The following TUBA1C variants were observed in gnomAD, a reference collection of about 807,000 sequenced individuals.
TUBA1C encodes tubulin alpha 1c.
In TUBA1C, 16 loss-of-function variants were observed where a neutral mutation model predicts 34.9. That is an observed-to-expected ratio of 0.46 (90% CI 0.31 to 0.70). The LOEUF is 0.70. Ranked by LOEUF, TUBA1C falls within the 30% of genes least tolerant of loss-of-function variation. TUBA1C has a pLI of 0.05. For missense variants in TUBA1C, 329 were observed against 587.3 expected, an observed-to-expected ratio of 0.56 and a Z score of 4.55; for synonymous variants, 177 against 215.9, an observed-to-expected ratio of 0.82 and a Z score of 1.58.
At chr12:49,254,311 C>G (rs1942760774) in intron 1 of TUBA1C, among the ~76,000 whole-genome samples, 1 of 150,294 alleles carries the variant, frequency 6.7e-6, no homozygotes, top group Non-Finnish European at 1.5e-5. Context: ...AACTCCATCT[C>G]AAGAAGAGAA....
In TUBA1C at chr12:49,269,613, CCTT is replaced by C. The variant is rs1349826116; in HGVS notation, c.157_159del (p.Phe53del). The C allele has an allele frequency of 8.1e-6, 13 of 1,614,096 alleles. No individual in the cohort carries two copies. The highest frequency in any genetic ancestry group is 5.3e-5 in the African/African-American group (4 of 74,926). On this transcript the variant is annotated inframe_deletion, in exon 2 of 4. Transcript: ENST00000301072. ...GGGGGAGGAGATGATTCCTTCAACA[CCTT>C]CTTCAGTGAAACGGGTGCTGGCAAG...
At chr12:49,249,143 G>A (rs1339933054) in intron 1 of TUBA1C, among the ~76,000 whole-genome samples, 4 of 151,142 alleles carry the variant, frequency 2.6e-5, no homozygotes, top group African/African-American at 9.7e-5. Flanking sequence ...AAAATAAAAA[G>A]AAGGCCGGGC....
chr12:49,241,153 C>A (rs1160053022), intron 1 of TUBA1C, among the ~76,000 whole-genome samples: 3 of 152,132 alleles, frequency 2.0e-5, no homozygotes. Flanking sequence ...CCGCCCGCCT[C>A]GGCCTCCCAA....
intron 1 of TUBA1C, among the ~76,000 whole-genome samples, chr12:49,256,717 G>A (rs1942787803): frequency 6.6e-6 from 1 of 152,166 alleles, no homozygotes; most frequent in South Asian, 2.1e-4. Context: ...AAAAACAGAG[G>A]CCTGCAAGTG....
chr12:49,228,209 C>T, intron 1 of TUBA1C: 1 of 1,519,856 alleles, frequency 6.6e-7, no homozygotes, highest in South Asian at 1.2e-5. Flanking sequence ...CTTCATCATG[C>T]ACGGCTTGGA....
chr12:49,254,045 C>T (rs898609220), intron 1 of TUBA1C, among the ~76,000 whole-genome samples: 5 of 152,162 alleles, frequency 3.3e-5, no homozygotes, highest in South Asian at 2.1e-4. Context: ...GGTGCGGTGA[C>T]TTACGCCTGT....
chr12:49,246,942 C>T (rs984670356), intron 1 of TUBA1C, among the ~76,000 whole-genome samples: 6 of 151,610 alleles, frequency 4.0e-5, no homozygotes, highest in Admixed American at 3.3e-4. Flanking sequence ...GAGCTCGAGA[C>T]CAGCCTGACC....
At chr12:49,228,686 T>C (rs190787697) in intron 1 of TUBA1C, among the ~76,000 whole-genome samples, 1 of 152,322 alleles carries the variant, frequency 6.6e-6, no homozygotes, top group Admixed American at 6.5e-5. Flanking sequence ...TACTCTACTT[T>C]AGTGTGGGAT....
chr12:49,256,809 TG>T (rs1278865846), intron 1 of TUBA1C, among the ~76,000 whole-genome samples: 1 of 151,944 alleles, frequency 6.6e-6, no homozygotes, highest in Non-Finnish European at 1.5e-5. Context: ...TTGCAGATTT[TG>T]ATGATTTGGG....
intron 1 of TUBA1C, among the ~76,000 whole-genome samples, chr12:49,231,172 G>A (rs1159137758): frequency 6.6e-6 from 1 of 152,054 alleles, no homozygotes; most frequent in East Asian, 1.9e-4. Context: ...TTTTTTAATT[G>A]TTGTTTTTTA....
At chr12:49,245,184 C>T (rs1031899063) in intron 1 of TUBA1C, among the ~76,000 whole-genome samples, 1 of 152,074 alleles carries the variant, frequency 6.6e-6, no homozygotes, top group Non-Finnish European at 1.5e-5. Flanking sequence ...GAGGGTGAAA[C>T]GTCCAGCTAT....
chr12:49,265,124 A>ATCC lies in TUBA1C; in HGVS notation c.-56_-54dup. ...CTCCTTGGTAGTCTGTTAGTGGGAG[A>ATCC]TCCTTGTTGCCGTCCCTTCGCCTCC... On this transcript the variant is annotated 5_prime_UTR_variant, in exon 1 of 4. Coordinates refer to ENST00000301072, the MANE Select transcript of TUBA1C (RefSeq NM_032704.5). The ATCC allele has an allele frequency of 6.3e-7, 1 of 1,581,964 alleles. No individual in the cohort carries two copies. The highest frequency in any genetic ancestry group is 8.6e-7 in the Non-Finnish European group (1 of 1,159,560).
intron 1 of TUBA1C, among the ~76,000 whole-genome samples, chr12:49,247,721 G>A (rs1047140046): frequency 1.3e-5 from 2 of 152,132 alleles, no homozygotes; most frequent in African/African-American, 2.4e-5. Flanking sequence ...GCCAAGGCAG[G>A]CGGATCACGA....
chr12:49,245,720 G>A (rs887662031), intron 1 of TUBA1C, among the ~76,000 whole-genome samples: 2 of 152,204 alleles, frequency 1.3e-5, no homozygotes, highest in African/African-American at 4.8e-5. Context: ...GATTTTGCCA[G>A]GGTGGGGACT....
chr12:49,267,618 C>T (rs1192420662), intron 1 of TUBA1C, among the ~76,000 whole-genome samples: 1 of 152,146 alleles, frequency 6.6e-6, no homozygotes, highest in Admixed American at 6.5e-5. Context: ...CCAGCCTGGG[C>T]GACAGAGCGA....
chr12:49,270,210 T>C (rs1942973093), intron 3 of TUBA1C: 3 of 775,212 alleles, frequency 3.9e-6, no homozygotes, highest in Non-Finnish European at 6.3e-6. Flanking sequence ...GACACCCCTT[T>C]TGAGGTCATC....
chr12:49,269,629 G>T lies in TUBA1C; in HGVS notation c.168G>T (p.Thr56=), dbSNP rs564472519. 9 of 1,614,164 alleles carry T rather than the reference G, an allele frequency of 5.6e-6. No homozygotes were observed. The East Asian group carries it at 6.7e-5, about 12-fold the overall frequency. Reference sequence around the variant, plus strand: ...CCTTCAACACCTTCTTCAGTGAAACGGGTGCTGGCAAGCATGTGCCCCGGG... The same window carrying T: ...CCTTCAACACCTTCTTCAGTGAAACTGGTGCTGGCAAGCATGTGCCCCGGG... ...DDSFNTFFSE[T]GAGKHVPRAV... is the part of the protein sequence containing the mutation. The change falls in exon 2 of 4, where the codon ACG becomes ACT. Residue 56 remains threonine, a synonymous_variant. Coordinates refer to ENST00000301072, the MANE Select transcript of TUBA1C (RefSeq NM_032704.5).
rs576215771 is a variant in TUBA1C at position 49,227,942 on chromosome 12, C to A, written c.-12C>A. On this transcript the variant is annotated 5_prime_UTR_variant, in exon 1 of 4. Coordinates refer to the TUBA1C transcript ENST00000541364. ...AGTAGAAGAAAGTGAACAATGGGCG[C>A]CCAGCTCTAAAATGACAGCCTGGTT... 3.7e-4 allele frequency: 566 copies of A among 1,535,452 alleles called. 7 individuals carry two copies. In the South Asian group the frequency reaches 6.5e-3, roughly 18 times the overall value.
intron 1 of TUBA1C, among the ~76,000 whole-genome samples, chr12:49,251,160 T>C (rs1942728371): frequency 6.6e-6 from 1 of 152,168 alleles, no homozygotes; most frequent in Admixed American, 6.5e-5. Flanking sequence ...TGAGCTGAGA[T>C]TGTACCACTG....
Sources: gnomAD v4.1 joint callset for allele counts (sites outside exome capture counted in the v4.1 genomes callset) on GRCh38, gnomAD v4.1.1 for gene constraint, MANE v1.5 for transcripts, NCBI Gene and HGNC (gene_info 2026-07-23, HGNC 2026-07-21) for gene names.